Variants in CSGALNACT1 observed in about 807,000 individuals in gnomAD.
CSGALNACT1 encodes beta4GalNAcT-1.
A neutral mutation model predicts 51.0 loss-of-function variants in CSGALNACT1; 52 were observed. That is an observed-to-expected ratio of 1.02 (90% CI 0.82 to 1.29). The LOEUF (loss-of-function observed/expected upper bound fraction) is 1.29. Ranked by LOEUF, CSGALNACT1 falls within the 50% of genes most tolerant of loss-of-function variation. CSGALNACT1 has a pLI of 0.00. For synonymous variants in CSGALNACT1, 341 were observed against 254.4 expected (o/e 1.34, Z -3.24); for missense variants, 935 against 679.2 (o/e 1.38, Z -4.19).
chr8:19,459,538 T>A (rs189148494), intron 4 of CSGALNACT1, among the ~76,000 whole-genome samples: 1 of 151,970 alleles, frequency 6.6e-6, no homozygotes, highest in Non-Finnish European at 1.5e-5. Context: ...AAATAACACA[T>A]AAAATATTCA....
intron 4 of CSGALNACT1, among the ~76,000 whole-genome samples, chr8:19,496,178 C>G (rs1398171567): frequency 3.3e-5 from 5 of 152,164 alleles, no homozygotes; most frequent in African/African-American, 1.2e-4. Context: ...AAGGGCCCAA[C>G]ACTACTCATA....
At chr8:19,727,620 T>C (rs991194674) in intron 1 of CSGALNACT1, among the ~76,000 whole-genome samples, 1 of 152,166 alleles carries the variant, frequency 6.6e-6, no homozygotes, top group Non-Finnish European at 1.5e-5. Flanking sequence ...CAAGGGATTA[T>C]AGGTGTGAGC....
chr8:19,751,802 A>T (rs935357187), intron 1 of CSGALNACT1, among the ~76,000 whole-genome samples: 27 of 151,924 alleles, frequency 1.8e-4, no homozygotes, highest in African/African-American at 6.5e-4. Flanking sequence ...CCATGTGAAG[A>T]TGTGCTTGCC....
At chr8:19,646,708 T>C in intron 1 of CSGALNACT1, among the ~76,000 whole-genome samples, 1 of 152,276 alleles carries the variant, frequency 6.6e-6, no homozygotes, top group South Asian at 2.1e-4. Context: ...TCAGACTCAA[T>C]TTATCTATAA....
intron 1 of CSGALNACT1, among the ~76,000 whole-genome samples, chr8:19,736,928 TA>T (rs56660422): frequency 0.23 from 23,682 of 103,438 alleles, 2,442 homozygotes; most frequent in East Asian, 0.49. Context: ...CTGAACAGGA[TA>T]AAAAAAAAAT....
chr8:19,487,496 C>G (rs1745773645), intron 4 of CSGALNACT1, among the ~76,000 whole-genome samples: 1 of 152,106 alleles, frequency 6.6e-6, no homozygotes, highest in South Asian at 2.1e-4. Flanking sequence ...AGCTCTGAGC[C>G]TGACAAACTA....
At chr8:19,559,310 TAAG>T (rs2040180994) in intron 3 of CSGALNACT1, among the ~76,000 whole-genome samples, 1 of 152,176 alleles carries the variant, frequency 6.6e-6, no homozygotes, top group South Asian at 2.1e-4. Flanking sequence ...CTTAGAGAAG[TAAG>T]AAGAGAAGGT....
intron 4 of CSGALNACT1, among the ~76,000 whole-genome samples, chr8:19,478,401 G>A (rs534787640): frequency 5.0e-4 from 66 of 131,768 alleles, no homozygotes; most frequent in African/African-American, 1.2e-3. Flanking sequence ...GCGACAGAGC[G>A]AGACTCCGTC....
chr8:19,571,731 A>C (rs1564099288), intron 3 of CSGALNACT1, among the ~76,000 whole-genome samples: 1 of 152,212 alleles, frequency 6.6e-6, no homozygotes, highest in African/African-American at 2.4e-5. Flanking sequence ...GGCCTCAGCT[A>C]TTTCAGCCAC....
At position 19,420,475 on chromosome 8, in the gene CSGALNACT1, C is replaced by G. The variant is rs750670992; in HGVS notation, c.997G>C (p.Glu333Gln). 8 of 1,614,216 alleles carry G rather than the reference C, an allele frequency of 5.0e-6. No homozygotes were observed. The Admixed American group carries it at 6.7e-5, about 13-fold the overall frequency. Residue 333 changes from glutamate to glutamine, a missense_variant, in exon 7 of 10, where the codon GAA becomes CAA. By Grantham distance (29) the Glu-to-Gln change is conservative. Transcript: ENST00000454498. ...TCAAGTCCCTTTCCCCGAGAAAATT[C>G]TCCATTCAGCTGGATGAAGGTAAAG...
chr8:19,583,923 T>G (rs1281590568), intron 3 of CSGALNACT1, among the ~76,000 whole-genome samples: 1 of 152,236 alleles, frequency 6.6e-6, no homozygotes, highest in Non-Finnish European at 1.5e-5. Context: ...GGCTGAATAC[T>G]GACAGCCATC....
chr8:19,407,923 G>C (rs1255195859), intron 9 of CSGALNACT1, among the ~76,000 whole-genome samples: 1 of 130,876 alleles, frequency 7.6e-6, no homozygotes, highest in African/African-American at 2.6e-5. Context: ...GTGTGTGTGT[G>C]TGTGTGTGTG....
Position 19,664,104 on chromosome 8 carries a change from G to C in CSGALNACT1, c.-544+18369C>G, listed in dbSNP as rs751169649. On this transcript the variant is annotated intron_variant, in intron 1 of 9. Coordinates refer to the CSGALNACT1 transcript ENST00000332246. ...CACAATGGCTCGGCCCAGGCTCCTGGAAAGAGTTTATTTGCCATTACTTCT... is the reference window on the plus strand; with the variant it reads ...CACAATGGCTCGGCCCAGGCTCCTGCAAAGAGTTTATTTGCCATTACTTCT... 6.5e-4 allele frequency among the ~76,000 whole-genome samples: 99 copies of C among 152,280 alleles called. 1 individual carries two copies. Among genetic ancestry groups the C allele is most frequent in the Non-Finnish European group, 1.1e-3 (78 of 68,018 alleles).
At chr8:19,623,155 C>T (rs79463515) in intron 1 of CSGALNACT1, among the ~76,000 whole-genome samples, 3,680 of 152,228 alleles carry the variant, frequency 0.024, 168 homozygotes, top group African/African-American at 0.084. Context: ...CAAACAGAAA[C>T]TGGGAAAGCT....
chr8:19,502,281 A>G (rs1322712108), intron 4 of CSGALNACT1, among the ~76,000 whole-genome samples: 1 of 152,204 alleles, frequency 6.6e-6, no homozygotes. Flanking sequence ...TGCAGACAAG[A>G]GAGACCAGAA....
At chr8:19,703,904 T>C (rs2062012204) in intron 1 of CSGALNACT1, among the ~76,000 whole-genome samples, 1 of 152,200 alleles carries the variant, frequency 6.6e-6, no homozygotes, top group Admixed American at 6.5e-5. Context: ...CACGCAGCTC[T>C]CAGGAGCCTC....
chr8:19,665,142 T>C (rs557575970), intron 1 of CSGALNACT1, among the ~76,000 whole-genome samples: 5 of 152,278 alleles, frequency 3.3e-5, no homozygotes, highest in African/African-American at 4.8e-5. Flanking sequence ...ACCTCCTGAG[T>C]AGGTGGGATT....
At chr8:19,756,566 C>A (rs1000456649) in intron 1 of CSGALNACT1, among the ~76,000 whole-genome samples, 1 of 152,062 alleles carries the variant, frequency 6.6e-6, no homozygotes, top group Admixed American at 6.5e-5. Flanking sequence ...CTCCTCCCCG[C>A]CCTTCTAGCC....
intron 1 of CSGALNACT1, among the ~76,000 whole-genome samples, chr8:19,667,540 TGA>T (rs75618000): frequency 0.39 from 59,337 of 151,908 alleles, 11,756 homozygotes; most frequent in South Asian, 0.43. Flanking sequence ...TGAACTGCAA[TGA>T]GAGAGTCAGT....
Sources: allele counts gnomAD v4.1 joint callset (sites outside exome capture counted in the v4.1 genomes callset), GRCh38; gene constraint gnomAD v4.1.1; transcripts MANE v1.5; gene names NCBI Gene and HGNC (gene_info 2026-07-23, HGNC 2026-07-21).